Variants in GIPC1 observed in about 807,000 individuals in gnomAD.
GIPC1 encodes the protein GIPC PDZ domain containing family member 1.
A neutral mutation model predicts 28.5 loss-of-function variants in GIPC1; 15 were observed. That is an observed-to-expected ratio of 0.53 (90% CI 0.35 to 0.81). GIPC1 has a LOEUF of 0.81. Among genes scored for constraint, GIPC1 ranks in the 30% least tolerant of loss-of-function variants. GIPC1 has a pLI of 0.01. For missense variants in GIPC1, 439 were observed against 481.9 expected (o/e 0.91, Z 0.83); for synonymous variants, 224 against 206.1 (o/e 1.09, Z -0.74).
intron 1 of GIPC1, among the ~76,000 whole-genome samples, chr19:14,495,127 CA>C (rs932636963): frequency 2.6e-5 from 4 of 152,148 alleles, no homozygotes; most frequent in Non-Finnish European, 5.9e-5. Context: ...CCCAGGTTGC[CA>C]GGGGGGAACC....
chr19:14,495,350 C>T (rs1281280960), intron 1 of GIPC1, among the ~76,000 whole-genome samples: 1 of 152,054 alleles, frequency 6.6e-6, no homozygotes, highest in African/African-American at 2.4e-5. Context: ...CGGAGCTACT[C>T]AGCAACAACT....
At chr19:14,488,230 C>G (rs2071887902) in intron 3 of GIPC1, among the ~76,000 whole-genome samples, 1 of 151,956 alleles carries the variant, frequency 6.6e-6, no homozygotes, top group South Asian at 2.1e-4. Flanking sequence ...GTTGACGGAT[C>G]ACATGAGGTC....
At chr19:14,479,363 AAAAG>A (rs1411040604) in intron 7 of GIPC1, 45 bp downstream of exon 7, 6 of 824,758 alleles carry the variant, frequency 7.3e-6, no homozygotes, top group Non-Finnish European at 8.8e-6. Context: ...AAAAAAAAAA[AAAAG>A]AAAGGGAAGG....
chr19:14,479,643 T>A (rs1259890010), intron 6 of GIPC1, 119 bp from the exon 7 acceptor site: 2 of 511,538 alleles, frequency 3.9e-6, no homozygotes, highest in Non-Finnish European at 6.8e-6. Context: ...TTCTGCAAGT[T>A]TCTGGGGGCT....
intron 3 of GIPC1, among the ~76,000 whole-genome samples, chr19:14,490,062 T>G (rs1466622425): frequency 6.6e-6 from 1 of 152,134 alleles, no homozygotes; most frequent in Non-Finnish European, 1.5e-5. Flanking sequence ...CCCGGATTAG[T>G]TCTCCAGAAC....
At position 14,478,009 on chromosome 19, in the gene GIPC1, CT is replaced by C. The variant is rs2071636500; in HGVS notation, c.*406del. The C allele has an allele frequency of 5.6e-6, 1 of 177,304 alleles. No individual in the cohort carries two copies. The highest frequency in any genetic ancestry group is 2.4e-5 in the African/African-American group (1 of 42,456). The allele number at this position is 177,304 out of a possible 1,614,324, so 11.0% of individuals were successfully genotyped here. ...ATTTGCTGGGGGGAAGGACAACCCT[CT>C]CCCCTGTATTCCCTGCGTCAGGAAA... On this transcript the variant is annotated 3_prime_UTR_variant, in exon 9 of 9. Transcript: ENST00000393033. This position sits in a 1 kb window ranked among gnomAD's most constrained non-coding sequence, Gnocchi z 5.2.
intron 3 of GIPC1, among the ~76,000 whole-genome samples, chr19:14,485,729 A>AGAGAGAGAGAGG (rs2071827499): frequency 2.7e-5 from 4 of 146,824 alleles, no homozygotes; most frequent in African/African-American, 1.0e-4. Context: ...AGAGAGAGAG[A>AGAGAGAGAGAGG]GAGAGAGAGA....
At chr19:14,486,064 C>T (rs2071837619) in intron 3 of GIPC1, among the ~76,000 whole-genome samples, 1 of 152,122 alleles carries the variant, frequency 6.6e-6, no homozygotes, top group Admixed American at 6.6e-5. Flanking sequence ...GCCACTGCGC[C>T]TGGCAAGGAG....
Position 14,496,041 on chromosome 19 carries a change from T to TCCTCCG in GIPC1, c.-180_-179insCGGAGG, listed in dbSNP as rs1555723645. ...CTTCTCGCAGAGGCCACTCACCTGC[T>TCCTCCG]CCGCCGCCGCCGCCGCCGCCGCCGC... On this transcript the variant is annotated 5_prime_UTR_variant, in exon 1 of 9. Coordinates refer to ENST00000393033, the MANE Select transcript of GIPC1 (RefSeq NM_005716.4). 5.7e-5 allele frequency: 13 copies of TCCTCCG among 226,422 alleles called. No homozygotes were observed. Among genetic ancestry groups the TCCTCCG allele is most frequent in the African/African-American group, 2.0e-4 (8 of 40,256 alleles). The allele number at this position is 226,422 out of a possible 1,614,324, so 14.0% of individuals were successfully genotyped here.
At chr19:14,486,546 G>A (rs532401564) in intron 3 of GIPC1, among the ~76,000 whole-genome samples, 93 of 152,220 alleles carry the variant, frequency 6.1e-4, no homozygotes, top group Non-Finnish European at 1.2e-3. Context: ...ACTCTATGAG[G>A]CCGGGCCCTG....
chr19:14,495,175 GA>G (rs1380318055), intron 1 of GIPC1, among the ~76,000 whole-genome samples: 1 of 152,210 alleles, frequency 6.6e-6, no homozygotes, highest in Non-Finnish European at 1.5e-5. Context: ...GCCCCCTGCA[GA>G]CGCCACTCTC....
intron 3 of GIPC1, among the ~76,000 whole-genome samples, chr19:14,488,886 A>G (rs2071903495): frequency 6.6e-6 from 1 of 150,510 alleles, no homozygotes; most frequent in Non-Finnish European, 1.5e-5. Flanking sequence ...AAGGGGGGAT[A>G]GTGAGAACAT....
intron 3 of GIPC1, among the ~76,000 whole-genome samples, chr19:14,486,424 T>C (rs1473329365): frequency 6.6e-6 from 1 of 151,988 alleles, no homozygotes; most frequent in Non-Finnish European, 1.5e-5. Flanking sequence ...GGCAAATAGG[T>C]TGTGAGAGGA....
intron 3 of GIPC1, among the ~76,000 whole-genome samples, chr19:14,490,192 C>T (rs1017196998): frequency 3.3e-5 from 5 of 151,690 alleles, no homozygotes; most frequent in Non-Finnish European, 7.4e-5. Flanking sequence ...GGTGAAACCC[C>T]GTCTCTACTA....
At chr19:14,481,928 C>A in intron 4 of GIPC1, 1 of 152,790 alleles carries the variant, frequency 6.5e-6, no homozygotes, top group Admixed American at 6.5e-5. Context: ...CCAGGCAAGC[C>A]TGCCTCCCAC....
chr19:14,492,690 A>ACT (rs895757073), intron 2 of GIPC1, among the ~76,000 whole-genome samples, 167 bp downstream of exon 2: 2 of 150,840 alleles, frequency 1.3e-5, no homozygotes, highest in East Asian at 2.0e-4. Context: ...CAGCCTCCTT[A>ACT]CTCTCTCTCT....
At position 14,478,754 on chromosome 19, in the gene GIPC1, A is replaced by T. The variant is rs758390006; in HGVS notation, c.780T>A (p.Phe260Leu). ...PATVEDLPSAFEEKAIEKVDD... is the reference protein window; with the variant it reads ...PATVEDLPSALEEKAIEKVDD... ...CCACCTTCTCAATGGCCTTCTCTTC[A>T]AAGGCAGAGGGCTGGGGGCCAGGGA... is the stretch of plus-strand genomic sequence containing the variant. The change falls in exon 8 of 9, where the codon TTT (phenylalanine) becomes TTA (leucine). Residue 260 changes from phenylalanine (F) to leucine (L), a missense_variant. Transcript: ENST00000393033. This position sits in a 1 kb window ranked among gnomAD's most constrained non-coding sequence, Gnocchi z 5.2. The T allele has an allele frequency of 1.7e-5, 28 of 1,612,762 alleles. No homozygotes were observed. Among genetic ancestry groups the T allele is most frequent in the Non-Finnish European group, 2.4e-5 (28 of 1,179,010 alleles).
chr19:14,478,860 G>T lies in GIPC1; in HGVS notation c.769-95C>A, dbSNP rs903988694. ...CATTGTCACCACTTTACATATATTC[G>T]TATTTAGACCTCAGGACAACCCTGA... On this transcript the variant is annotated intron_variant, in intron 7 of 8. Coordinates refer to ENST00000393033, the MANE Select transcript of GIPC1 (RefSeq NM_005716.4). This position sits in a 1 kb window ranked among gnomAD's most constrained non-coding sequence, Gnocchi z 5.2. 2.1e-6 allele frequency: 2 copies of T among 947,066 alleles called. No homozygotes were observed. Among genetic ancestry groups the T allele is most frequent in the Non-Finnish European group, 3.4e-6 (2 of 580,490 alleles). The allele number at this position is 947,066 out of a possible 1,614,324, so 58.7% of individuals were successfully genotyped here.
At chr19:14,483,748 CAATAATAAT>C (rs151161206) in intron 3 of GIPC1, among the ~76,000 whole-genome samples, 8,006 of 141,392 alleles carry the variant, frequency 0.057, 310 homozygotes, top group African/African-American at 0.096. Context: ...GACTCTGTCT[CAATAATAAT>C]AATAATAATA....
Sources: allele counts gnomAD v4.1 joint callset (sites outside exome capture counted in the v4.1 genomes callset), GRCh38; gene constraint gnomAD v4.1.1; non-coding constraint Gnocchi (gnomAD v3.1); transcripts MANE v1.5; gene names NCBI Gene and HGNC (gene_info 2026-07-23, HGNC 2026-07-21).